Variants in PTGES3 observed in about 807,000 individuals in gnomAD.
The protein encoded by PTGES3 is Hsp90 co-chaperone.
In PTGES3, 5 loss-of-function variants were observed where a neutral mutation model predicts 29.9. The observed-to-expected ratio is 0.17, with a 90% CI of 0.09 to 0.35. The LOEUF is 0.35. PTGES3 is among the 10% of genes least tolerant of loss of function. The pLI is 1.00. For synonymous variants in PTGES3, 49 were observed against 57.8 expected (o/e 0.85, Z 0.69); for missense variants, 128 against 190.0 (o/e 0.67, Z 1.92).
At chr12:56,675,632 A>G (rs192132204) in intron 1 of PTGES3, among the ~76,000 whole-genome samples, 16 of 152,120 alleles carry the variant, frequency 1.1e-4, no homozygotes, top group African/African-American at 3.6e-4. Flanking sequence ...TTAAAACTAC[A>G]AACAGGGCCG....
chr12:56,677,827 G>A (rs1240073129), intron 1 of PTGES3, among the ~76,000 whole-genome samples: 1 of 152,122 alleles, frequency 6.6e-6, no homozygotes, highest in Non-Finnish European at 1.5e-5. Flanking sequence ...CTTGGCTTAT[G>A]TTGAGTATCA....
At chr12:56,687,821 GA>G in intron 1 of PTGES3, 176 bp downstream of exon 1, 5 of 1,448,976 alleles carry the variant, frequency 3.5e-6, no homozygotes, top group East Asian at 2.7e-5. Flanking sequence ...ACATCTGGAG[GA>G]AAAATGTCCT....
At chr12:56,687,836 CCCG>C in intron 1 of PTGES3, 159 bp downstream of exon 1, 1 of 1,469,794 alleles carries the variant, frequency 6.8e-7, no homozygotes, top group Middle Eastern at 1.8e-4. Context: ...ATGTCCTCCA[CCCG>C]CCAACGGTAA....
At chr12:56,672,634 C>T in intron 3 of PTGES3, 106 bp downstream of exon 3, 2 of 1,249,028 alleles carry the variant, frequency 1.6e-6, no homozygotes, top group Non-Finnish European at 1.1e-6. Context: ...ACATAGTTTG[C>T]CTCACTGTTA....
chr12:56,669,230 T>G (rs1592244671), intron 5 of PTGES3, among the ~76,000 whole-genome samples: 1 of 152,164 alleles, frequency 6.6e-6, no homozygotes, highest in African/African-American at 2.4e-5. Context: ...GTTTTGCTCT[T>G]GTTGCCCAGA....
chr12:56,671,692 CT>C, intron 4 of PTGES3, 56 bp downstream of exon 4: 3 of 1,146,288 alleles, frequency 2.6e-6, no homozygotes, highest in Non-Finnish European at 2.5e-6. Context: ...ATAAGTACAT[CT>C]TTTATTACCT....
chr12:56,686,218 T>C (rs1952840805), intron 1 of PTGES3, among the ~76,000 whole-genome samples: 1 of 151,996 alleles, frequency 6.6e-6, no homozygotes, highest in Non-Finnish European at 1.5e-5. Flanking sequence ...AGATATGTTG[T>C]TTGGCTCTAT....
At position 56,673,057 on chromosome 12, in the gene PTGES3, G is replaced by C. The variant is rs748745677; in HGVS notation, c.11C>G (p.Ala4Gly). The C allele has an allele frequency of 6.2e-7, 1 of 1,600,296 alleles. No individual in the cohort carries two copies. Among genetic ancestry groups the C allele is most frequent in the Non-Finnish European group, 8.5e-7 (1 of 1,175,898 alleles). The change falls in exon 2 of 8, where the codon GCT (alanine) becomes GGT (glycine). Residue 4 changes from alanine to glycine, a missense_variant. Coordinates refer to ENST00000262033, the MANE Select transcript of PTGES3 (RefSeq NM_006601.7). Reference sequence around the variant, plus strand: ...CCTTCGATCGTACCACTTTGCAGAAGCAGGCTGCCTACAAAAGGATAAAGT... The same window carrying C: ...CCTTCGATCGTACCACTTTGCAGAACCAGGCTGCCTACAAAAGGATAAAGT... MQP[A>G]SAKWYDRRDY...
chr12:56,672,766 C>A lies in PTGES3; in HGVS notation c.160G>T (p.Asp54Tyr). Residue 54 changes from aspartate to tyrosine, a missense_variant, in exon 3 of 8, where the codon GAT becomes TAT. Transcript: ENST00000262033. ...TTTGGATCAATACAGTGAAAAAGAT[C>A]AATTTCATTTAAATGCTTAAAATTA... ...SDNFKHLNEI[D>Y]LFHCIDPNDS... 1.3e-6 allele frequency: 2 copies of A among 1,589,738 alleles called. No individual in the cohort carries two copies. Among genetic ancestry groups the A allele is most frequent in the South Asian group, 2.3e-5 (2 of 86,870 alleles).
At position 56,671,917 on chromosome 12, in the gene PTGES3, T is replaced by TA; in HGVS notation, c.187-71_187-70insT. The TA allele has an allele frequency of 3.4e-6, 3 of 892,536 alleles. No homozygotes were observed. In the South Asian group the frequency reaches 8.1e-5, roughly 24 times the overall value. 55.3% of individuals were successfully genotyped at this position (892,536 alleles called of 1,614,324 possible). Reference sequence around the variant, plus strand: ...CTACATGATAGAAAATAGCTTGTCATTTCTCACCTTTCTCATTTCTTTACC... The same window carrying TA: ...CTACATGATAGAAAATAGCTTGTCATATTCTCACCTTTCTCATTTCTTTACC... On this transcript the variant is annotated intron_variant, in intron 3 of 7. Coordinates refer to ENST00000262033, the MANE Select transcript of PTGES3 (RefSeq NM_006601.7).
In PTGES3 at chr12:56,672,946, A is replaced by C; in HGVS notation, c.116+6T>G. On this transcript the variant is annotated splice_donor_region_variant and intron_variant, in intron 2 of 7. Transcript: ENST00000262033. ...TTTACATCATTGGATAAAAAGCTTA[A>C]CTTACCTGAATGTAAGTTTGGATTT... 1 of 1,595,016 alleles carries C rather than the reference A, an allele frequency of 6.3e-7. No individual in the cohort carries two copies. Among genetic ancestry groups the C allele is most frequent in the Non-Finnish European group, 8.5e-7 (1 of 1,172,152 alleles).
chr12:56,687,266 AAC>A (rs1952919680), intron 1 of PTGES3: 9 of 1,002,232 alleles, frequency 9.0e-6, no homozygotes, highest in Non-Finnish European at 1.1e-5. Flanking sequence ...TAGAACATGA[AAC>A]ACAGAAAATG....
chr12:56,684,011 C>T (rs1952708131), intron 1 of PTGES3, among the ~76,000 whole-genome samples: 1 of 150,942 alleles, frequency 6.6e-6, no homozygotes, highest in Admixed American at 6.6e-5. Context: ...ACTGTAATTG[C>T]CGATCCACAC....
chr12:56,665,362 C>T, intron 6 of PTGES3: 1 of 930,274 alleles, frequency 1.1e-6, no homozygotes, highest in South Asian at 5.0e-5. Context: ...GTGGCGAGAT[C>T]CGGCTCACTG....
At chr12:56,685,394 CTTTTCTTTTTTTTTT>C (rs1005808174) in intron 1 of PTGES3, among the ~76,000 whole-genome samples, 4 of 96,912 alleles carry the variant, frequency 4.1e-5, no homozygotes, top group African/African-American at 1.5e-4. Flanking sequence ...AGCATTTTTT[CTTTTCTTTTTTTTTT>C]TTTTTTTTTT....
intron 1 of PTGES3, among the ~76,000 whole-genome samples, chr12:56,684,196 C>G (rs560432524): frequency 6.6e-6 from 1 of 152,050 alleles, no homozygotes; most frequent in East Asian, 1.9e-4. Context: ...AACCACAAGA[C>G]CCAAAAATGA....
At chr12:56,678,231 G>C (rs749472489) in intron 1 of PTGES3, among the ~76,000 whole-genome samples, 1 of 152,126 alleles carries the variant, frequency 6.6e-6, no homozygotes, top group African/African-American at 2.4e-5. Context: ...AGGTTGGAGT[G>C]CAGTGGCGTG....
At chr12:56,681,099 T>A (rs1449319797) in intron 1 of PTGES3, among the ~76,000 whole-genome samples, 1 of 152,088 alleles carries the variant, frequency 6.6e-6, no homozygotes, top group East Asian at 1.9e-4. Flanking sequence ...GTTTTGTTTT[T>A]TTGTTTGGAC....
intron 1 of PTGES3, among the ~76,000 whole-genome samples, chr12:56,676,890 C>A (rs1952274770): frequency 7.6e-6 from 1 of 131,320 alleles, no homozygotes; most frequent in East Asian, 2.3e-4. Context: ...CACTGCACTG[C>A]AGCCTGGGTG....
Sources: allele counts gnomAD v4.1 joint callset (sites outside exome capture counted in the v4.1 genomes callset), GRCh38; gene constraint gnomAD v4.1.1; transcripts MANE v1.5; gene names NCBI Gene and HGNC (gene_info 2026-07-23, HGNC 2026-07-21).